Variants in CRTAC1 observed in about 807,000 individuals in gnomAD.
The protein encoded by CRTAC1 is acidic secreted protein in cartilage.
Under a neutral mutation model 67.8 loss-of-function variants are expected in CRTAC1, and 37 were observed. That is an observed-to-expected ratio of 0.55 (90% confidence interval 0.42 to 0.72). The LOEUF (loss-of-function observed/expected upper bound fraction) is 0.72, where lower values mean the gene tolerates loss of function less well. Ranked by LOEUF, CRTAC1 falls within the 30% of genes least tolerant of loss-of-function variation. The probability of loss-of-function intolerance (pLI) is 0.00; values close to 1 mark genes in which losing one functional copy is unlikely to be tolerated. For synonymous variants in CRTAC1, 348 were observed against 371.0 expected (o/e 0.94, Z 0.71); for missense variants, 780 against 931.6 (o/e 0.84, Z 2.12).
At chr10:97,940,449 G>T (rs1190777864) in intron 2 of CRTAC1, among the ~76,000 whole-genome samples, 2 of 152,228 alleles carry the variant, frequency 1.3e-5, no homozygotes, top group African/African-American at 4.8e-5. Flanking sequence ...GTGGGGCAAG[G>T]TCCCATGTTT....
chr10:97,893,909 T>C (rs2136554490), intron 11 of CRTAC1, among the ~76,000 whole-genome samples: 1 of 152,358 alleles, frequency 6.6e-6, no homozygotes, highest in Middle Eastern at 3.4e-3. Flanking sequence ...GCCCTGGTGA[T>C]CTACCAAGTT....
At chr10:98,023,865 T>A (rs2136708145) in intron 1 of CRTAC1, among the ~76,000 whole-genome samples, 1 of 152,222 alleles carries the variant, frequency 6.6e-6, no homozygotes, top group East Asian at 1.9e-4. Flanking sequence ...CTACCTCCCA[T>A]CCTGAGCACA....
At chr10:97,937,749 T>C (rs2051112141) in intron 2 of CRTAC1, among the ~76,000 whole-genome samples, 1 of 152,016 alleles carries the variant, frequency 6.6e-6, no homozygotes, top group Middle Eastern at 3.2e-3. Flanking sequence ...AGCACAGAAA[T>C]GAATGTCTGA....
chr10:97,958,316 G>A (rs2136639720), intron 2 of CRTAC1, among the ~76,000 whole-genome samples: 1 of 152,286 alleles, frequency 6.6e-6, no homozygotes, highest in South Asian at 2.1e-4. Flanking sequence ...AAGGGACAAT[G>A]TCATCTCTCT....
At chr10:97,865,893 T>C (rs2050017490) in intron 14 of CRTAC1, 179 bp from the exon 15 acceptor site, 1 of 911,400 alleles carries the variant, frequency 1.1e-6, no homozygotes, top group Non-Finnish European at 1.6e-6. Context: ...CTCACCCCCG[T>C]CTGGATCAGT....
At chr10:97,883,489 C>T (rs779902430) in intron 12 of CRTAC1, among the ~76,000 whole-genome samples, 23 of 152,174 alleles carry the variant, frequency 1.5e-4, no homozygotes, top group African/African-American at 2.7e-4. Context: ...GTCAATCAAC[C>T]GTACTGATGA....
At chr10:97,934,082 G>T (rs769269549) in intron 3 of CRTAC1, among the ~76,000 whole-genome samples, 3 of 152,224 alleles carry the variant, frequency 2.0e-5, no homozygotes, top group Non-Finnish European at 2.9e-5. Flanking sequence ...TGTGCTTGGT[G>T]AATAGGGGAT....
chr10:97,884,352 C>T lies in CRTAC1; in HGVS notation c.1487-1G>A. On this transcript the variant is annotated splice_acceptor_variant, in intron 11 of 14. Coordinates refer to ENST00000370597, the MANE Select transcript of CRTAC1 (RefSeq NM_018058.7). LOFTEE classifies it high-confidence loss of function. ...TCCACACTGCTGGCTTCATCCTTCC[C>T]TGAGGGGCAGAAGGAGAGAGCATCA... The T allele has an allele frequency of 6.4e-7, 1 of 1,551,192 alleles. No homozygotes were observed. The highest frequency in any genetic ancestry group is 8.7e-7 in the Non-Finnish European group (1 of 1,147,046).
At chr10:97,924,471 G>A (rs2050885257) in intron 3 of CRTAC1, among the ~76,000 whole-genome samples, 1 of 152,164 alleles carries the variant, frequency 6.6e-6, no homozygotes, top group Non-Finnish European at 1.5e-5. Context: ...CTTAGACTGA[G>A]GAGAGACAGC....
Position 98,011,031 on chromosome 10 carries a change from G to A in CRTAC1, c.224+107C>T, listed in dbSNP as rs1450191418. 3.1e-6 allele frequency: 3 copies of A among 964,920 alleles called. No homozygotes were observed. The African/African-American group carries it at 4.8e-5, about 15-fold the overall frequency. The allele number at this position is 964,920 out of a possible 1,614,324, so 59.8% of individuals were successfully genotyped here. A position where few individuals can be genotyped will look rare whatever the true frequency, so the allele number is the denominator to read the frequency against. On this transcript the variant is annotated intron_variant, in intron 2 of 14. Coordinates refer to ENST00000370597, the MANE Select transcript of CRTAC1 (RefSeq NM_018058.7). ...GCCACAGACAACCACAGACCTATGA[G>A]TGAGAACGTATGTTGTTGCAAGTCA...
chr10:98,010,041 CT>C (rs568415966), intron 2 of CRTAC1, among the ~76,000 whole-genome samples: 1,388 of 137,444 alleles, frequency 0.01, 5 homozygotes, highest in East Asian at 0.028. Flanking sequence ...AATGCACAAT[CT>C]TTTTTTTTTT....
intron 11 of CRTAC1, among the ~76,000 whole-genome samples, chr10:97,894,413 G>A (rs1431751727): frequency 1.3e-5 from 2 of 151,474 alleles, no homozygotes; most frequent in Admixed American, 1.3e-4. Context: ...TATTTTTTGA[G>A]ACAGAGTCTC....
intron 14 of CRTAC1, among the ~76,000 whole-genome samples, chr10:97,872,379 CT>C (rs2050103501): frequency 6.6e-6 from 1 of 152,176 alleles, no homozygotes; most frequent in Non-Finnish European, 1.5e-5. Flanking sequence ...AGGCTACCCC[CT>C]GAGCTGGGCA....
At chr10:97,944,346 C>T (rs997360467) in intron 2 of CRTAC1, among the ~76,000 whole-genome samples, 14 of 151,920 alleles carry the variant, frequency 9.2e-5, no homozygotes, top group Non-Finnish European at 1.8e-4. Context: ...GCAGAAGAAT[C>T]GCATGAACCG....
chr10:97,993,521 A>T (rs938215621), intron 2 of CRTAC1, among the ~76,000 whole-genome samples: 1 of 152,210 alleles, frequency 6.6e-6, no homozygotes, highest in Non-Finnish European at 1.5e-5. Context: ...AGGGGATCAT[A>T]TTCTTGTATC....
chr10:97,917,702 A>G (rs1458053395), intron 4 of CRTAC1, 46 bp from the exon 5 acceptor site: 1 of 1,458,782 alleles, frequency 6.9e-7, no homozygotes, highest in Non-Finnish European at 9.2e-7. Context: ...ACCTTGGCTC[A>G]TCCCAGAAAC....
intron 1 of CRTAC1, among the ~76,000 whole-genome samples, chr10:98,022,848 G>T (rs1020625750): frequency 1.3e-5 from 2 of 152,162 alleles, no homozygotes; most frequent in African/African-American, 2.4e-5. Flanking sequence ...AAGAGTGAGT[G>T]AGAGTATCAC....
intron 11 of CRTAC1, among the ~76,000 whole-genome samples, chr10:97,892,850 GA>G (rs1423877500): frequency 6.6e-6 from 1 of 152,126 alleles, no homozygotes; most frequent in Admixed American, 6.5e-5. Flanking sequence ...AATAGCCCAA[GA>G]AAATGATCAT....
intron 6 of CRTAC1, among the ~76,000 whole-genome samples, chr10:97,906,888 G>A (rs902381132): frequency 1.3e-5 from 2 of 152,312 alleles, no homozygotes; most frequent in South Asian, 4.1e-4. Context: ...GCAGGGATTC[G>A]ATGTGAACTG....
Sources: allele counts gnomAD v4.1 joint callset (sites outside exome capture counted in the v4.1 genomes callset), GRCh38; gene constraint gnomAD v4.1.1; transcripts MANE v1.5; gene names NCBI Gene and HGNC (gene_info 2026-07-23, HGNC 2026-07-21).